BRINP3: variants seen among roughly 807,000 people sequenced by gnomAD.
The protein encoded by BRINP3 is BMP/retinoic acid inducible neural specific 3, also known as BMP/retinoic acid-inducible neural-specific protein 3.
In BRINP3, 19 loss-of-function variants were observed where a neutral mutation model predicts 71.0. The ratio of observed to expected loss-of-function variants is 0.27; its 90% CI spans 0.19 to 0.39. The LOEUF is 0.39. Ranked by LOEUF, BRINP3 falls within the 10% of genes least tolerant of loss-of-function variation. BRINP3 has a pLI of 1.00. For synonymous variants in BRINP3, 380 were observed against 337.7 expected (o/e 1.13, Z -1.37); for missense variants, 959 against 940.8 (o/e 1.02, Z -0.25).
chr1:190,331,338 A>G (rs891556580), intron 2 of BRINP3, among the ~76,000 whole-genome samples: 5 of 152,028 alleles, frequency 3.3e-5, no homozygotes, highest in African/African-American at 4.8e-5. Context: ...ATGCATAATA[A>G]CCACTTGAAA....
intron 2 of BRINP3, among the ~76,000 whole-genome samples, chr1:190,305,201 C>T (rs2103009221): frequency 6.6e-6 from 1 of 151,876 alleles, no homozygotes; most frequent in African/African-American, 2.4e-5. Flanking sequence ...GGAGGTTCCT[C>T]AAAAAATTAA....
chr1:190,167,199 C>T (rs1400050201), intron 6 of BRINP3, among the ~76,000 whole-genome samples: 1 of 152,096 alleles, frequency 6.6e-6, no homozygotes, highest in Non-Finnish European at 1.5e-5. Context: ...GTCTTATTTA[C>T]ATCAAAGAAT....
chr1:190,349,397 A>G (rs965165479), intron 2 of BRINP3, among the ~76,000 whole-genome samples: 5 of 152,132 alleles, frequency 3.3e-5, no homozygotes. Flanking sequence ...TTAATTTAAA[A>G]TGTTAATTTT....
intron 2 of BRINP3, 148 bp downstream of exon 2, chr1:190,454,507 T>G: frequency 1.6e-6 from 1 of 630,080 alleles, no homozygotes; most frequent in Non-Finnish European, 2.7e-6. Flanking sequence ...ATACTTTGAA[T>G]AGCAAGAAAA....
chr1:190,199,102 AG>A (rs1654761204), intron 6 of BRINP3, among the ~76,000 whole-genome samples: 1 of 152,134 alleles, frequency 6.6e-6, no homozygotes, highest in African/African-American at 2.4e-5. Flanking sequence ...GAGCTTGTGT[AG>A]GGGAACTCCC....
intron 2 of BRINP3, among the ~76,000 whole-genome samples, chr1:190,448,045 T>G (rs1185518536): frequency 6.6e-6 from 1 of 151,710 alleles, no homozygotes; most frequent in Non-Finnish European, 1.5e-5. Flanking sequence ...TAGAGCACTA[T>G]TTTATGTTTT....
intron 2 of BRINP3, chr1:190,302,675 T>A (rs895349388): frequency 6.6e-6 from 1 of 151,888 alleles, no homozygotes; most frequent in African/African-American, 2.4e-5. Context: ...TTTCTGCTCA[T>A]ATTTTAAAAG....
intron 2 of BRINP3, among the ~76,000 whole-genome samples, chr1:190,343,332 C>T (rs1243127053): frequency 6.6e-6 from 1 of 151,884 alleles, no homozygotes; most frequent in African/African-American, 2.4e-5. Context: ...GAAGTTAAGA[C>T]TACAGATGAA....
At chr1:190,174,475 AATATG>A (rs1423119447) in intron 6 of BRINP3, among the ~76,000 whole-genome samples, 1 of 152,080 alleles carries the variant, frequency 6.6e-6, no homozygotes, top group African/African-American at 2.4e-5. Context: ...TAAACACATA[AATATG>A]ATATATATAT....
In BRINP3 at chr1:190,477,597, C is replaced by G. The variant is rs964433282; in HGVS notation, c.-200G>C. ...TCAGCAGTTCCTGGTGGCATGTAAC[C>G]AAGTAAAAACCAGTTACACAGAGAG... On this transcript the variant is annotated 5_prime_UTR_variant, in exon 1 of 8. Coordinates refer to ENST00000367462, the MANE Select transcript of BRINP3 (RefSeq NM_199051.3). The G allele has an allele frequency of 4.0e-5, 6 of 151,572 alleles. No individual in the cohort carries two copies. The highest frequency in any genetic ancestry group is 1.5e-4 in the African/African-American group (6 of 41,226). The allele number at this position is 151,572 out of a possible 1,614,324, so 9.4% of individuals were successfully genotyped here.
intron 7 of BRINP3, among the ~76,000 whole-genome samples, chr1:190,140,846 A>T (rs1655371812): frequency 6.6e-6 from 1 of 152,136 alleles, no homozygotes; most frequent in African/African-American, 2.4e-5. Context: ...TAAGACACTC[A>T]AGTTTGCCAA....
intron 2 of BRINP3, among the ~76,000 whole-genome samples, chr1:190,421,407 A>C (rs1002076807): frequency 2.0e-5 from 3 of 150,712 alleles, no homozygotes; most frequent in African/African-American, 7.3e-5. Flanking sequence ...CCACTGATAA[A>C]CTGTTGAAGA....
At chr1:190,425,342 TA>T (rs965492934) in intron 2 of BRINP3, among the ~76,000 whole-genome samples, 4 of 151,798 alleles carry the variant, frequency 2.6e-5, no homozygotes, top group Admixed American at 2.0e-4. Context: ...ACCAATTACT[TA>T]AAAACTCAGT....
At chr1:190,294,806 T>C (rs1664130708) in intron 2 of BRINP3, among the ~76,000 whole-genome samples, 1 of 152,000 alleles carries the variant, frequency 6.6e-6, no homozygotes, top group African/African-American at 2.4e-5. Context: ...CGTAAGCCAG[T>C]GGTTGCTCTT....
chr1:190,473,901 C>T (rs1306584076), intron 1 of BRINP3, among the ~76,000 whole-genome samples: 1 of 151,748 alleles, frequency 6.6e-6, no homozygotes, highest in Non-Finnish European at 1.5e-5. Context: ...CCCAACCCAC[C>T]CCCACCTCAT....
chr1:190,324,929 G>A (rs1287200178), intron 2 of BRINP3, among the ~76,000 whole-genome samples: 1 of 151,832 alleles, frequency 6.6e-6, no homozygotes, highest in Non-Finnish European at 1.5e-5. Flanking sequence ...TCAAAAACTT[G>A]TGGAGCTCGA....
chr1:190,246,986 C>T (rs1397002651), intron 4 of BRINP3, among the ~76,000 whole-genome samples: 2 of 151,948 alleles, frequency 1.3e-5, no homozygotes, highest in Non-Finnish European at 2.9e-5. Flanking sequence ...CAGGCACCTT[C>T]TCCACTTGCC....
intron 6 of BRINP3, among the ~76,000 whole-genome samples, chr1:190,210,525 C>T (rs1300003057): frequency 1.3e-5 from 2 of 151,732 alleles, no homozygotes; most frequent in Non-Finnish European, 2.9e-5. Flanking sequence ...AAATTGAAAC[C>T]AATAGAAAAA....
chr1:190,356,965 C>G (rs193035844), intron 2 of BRINP3, among the ~76,000 whole-genome samples: 1 of 151,182 alleles, frequency 6.6e-6, no homozygotes, highest in African/African-American at 2.5e-5. Flanking sequence ...ACTAGGTTAA[C>G]AGGTACTCTA....
Sources: gnomAD v4.1 joint callset for allele counts (sites outside exome capture counted in the v4.1 genomes callset) on GRCh38, gnomAD v4.1.1 for gene constraint, MANE v1.5 for transcripts, NCBI Gene and HGNC (gene_info 2026-07-23, HGNC 2026-07-21) for gene names.